ZNF566: variants seen among roughly 807,000 people sequenced by gnomAD.
ZNF566 encodes the protein zinc finger protein 566.
ZNF566 carries 27 observed loss-of-function variants against 32.8 expected under a neutral mutation model. The ratio of observed to expected loss-of-function variants is 0.82; its 90% CI spans 0.61 to 1.14. The LOEUF is 1.14. Among genes scored for constraint, ZNF566 ranks in the 50% most tolerant of loss-of-function variants. The probability of loss-of-function intolerance (pLI) is 0.00; values close to 1 mark genes in which losing one functional copy is unlikely to be tolerated. For missense variants in ZNF566, 402 were observed against 490.4 expected (o/e 0.82, Z 1.70); for synonymous variants, 154 against 159.5 (o/e 0.97, Z 0.26).
intron 4 of ZNF566, among the ~76,000 whole-genome samples, chr19:36,467,389 C>T (rs1280238682): frequency 2.1e-5 from 3 of 145,066 alleles, no homozygotes; most frequent in Admixed American, 6.9e-5. Context: ...GAGCGAAGAT[C>T]GCACCGCTGC....
In ZNF566 at chr19:36,446,893, CAT is replaced by C. The variant is rs531164539; in HGVS notation, c.*2082_*2083del. The C allele has an allele frequency of 1.3e-5, 2 of 152,182 alleles. No individual in the cohort carries two copies. The highest frequency in any genetic ancestry group is 2.9e-5 in the Non-Finnish European group (2 of 68,042). 9.4% of individuals were successfully genotyped at this position (152,182 alleles called of 1,614,324 possible). ...GGGCATAAAATAACAGTTCTACAGA[CAT>C]AAACTTCATCCTTCCACATATGCGA... On this transcript the variant is annotated 3_prime_UTR_variant, in exon 5 of 5. Coordinates refer to ENST00000452939, the MANE Select transcript of ZNF566 (RefSeq NM_001145344.1).
At chr19:36,472,000 T>G (rs1241042282) in intron 4 of ZNF566, among the ~76,000 whole-genome samples, 1 of 152,138 alleles carries the variant, frequency 6.6e-6, no homozygotes, top group East Asian at 1.9e-4. Flanking sequence ...TGCTTCAGCC[T>G]CCCAAAGTGC....
At chr19:36,477,763 C>A (rs1206483680) in intron 1 of ZNF566, among the ~76,000 whole-genome samples, 1 of 151,964 alleles carries the variant, frequency 6.6e-6, no homozygotes, top group Non-Finnish European at 1.5e-5. Context: ...GTCTCAAAAT[C>A]CTGACCTTCC....
chr19:36,467,419 T>C (rs1472278439), intron 4 of ZNF566, among the ~76,000 whole-genome samples: 2 of 113,222 alleles, frequency 1.8e-5, no homozygotes. Context: ...TGGGCAACAA[T>C]GTGAGGCTCT....
At chr19:36,479,832 G>A (rs1402260153) in intron 1 of ZNF566, among the ~76,000 whole-genome samples, 4 of 150,990 alleles carry the variant, frequency 2.6e-5, no homozygotes, top group Admixed American at 6.6e-5. Flanking sequence ...GTTTGTTTGC[G>A]TGTTTGCTTG....
intron 4 of ZNF566, among the ~76,000 whole-genome samples, chr19:36,452,939 G>C (rs1343122456): frequency 6.6e-6 from 1 of 151,950 alleles, no homozygotes; most frequent in Non-Finnish European, 1.5e-5. Flanking sequence ...CCAATATGGT[G>C]AAACCCTGTC....
intron 4 of ZNF566, among the ~76,000 whole-genome samples, chr19:36,458,545 C>T (rs942710993): frequency 6.6e-6 from 1 of 152,054 alleles, no homozygotes; most frequent in Non-Finnish European, 1.5e-5. Context: ...GTTCTAGTTA[C>T]TCAGAATAAA....
rs1335402012 is a variant in ZNF566 at position 36,446,207 on chromosome 19, G to A, written c.*2770C>T. The A allele has an allele frequency of 6.6e-6, 1 of 150,458 alleles. No individual in the cohort carries two copies. The highest frequency in any genetic ancestry group is 1.5e-5 in the Non-Finnish European group (1 of 67,718). The allele number at this position is 150,458 out of a possible 1,614,324, so 9.3% of individuals were successfully genotyped here. A position where few individuals can be genotyped will look rare whatever the true frequency, so the allele number is the denominator to read the frequency against. On this transcript the variant is annotated 3_prime_UTR_variant, in exon 5 of 5. Transcript: ENST00000452939. ...CACAACCTTTAAATATTATTCAGAA[G>A]AAAATTGACAGAGGGGAGGGAATGA...
In ZNF566 at chr19:36,477,526, G is replaced by GTTTTTTTTTTTTTTT. The variant is rs767741591; in HGVS notation, c.-59-911_-59-910insAAAAAAAAAAAAAAA. Among the ~76,000 whole-genome samples the GTTTTTTTTTTTTTTT allele has an allele frequency of 2.9e-4, 31 of 107,014 alleles. 5 individuals are homozygous for GTTTTTTTTTTTTTTT. Among genetic ancestry groups the GTTTTTTTTTTTTTTT allele is most frequent in the Middle Eastern group, 5.3e-3 (1 of 190 alleles). The allele number at this position is 107,014 out of a possible 152,430, so 70.2% of individuals were successfully genotyped here. A position where few individuals can be genotyped will look rare whatever the true frequency, so the allele number is the denominator to read the frequency against. On this transcript the variant is annotated intron_variant, in intron 1 of 4. Coordinates refer to ENST00000452939, the MANE Select transcript of ZNF566 (RefSeq NM_001145344.1). ...TGGGTCAAACCAGTTTTCTGTTTCTGTTTTTTTTTTGTTTGTTTGTTTGTT... is the reference window on the plus strand; with the variant it reads ...TGGGTCAAACCAGTTTTCTGTTTCTGTTTTTTTTTTTTTTTTTTTTTTTTTGTTTGTTTGTTTGTT...
intron 4 of ZNF566, among the ~76,000 whole-genome samples, chr19:36,467,565 T>C (rs1393689221): frequency 7.2e-6 from 1 of 139,146 alleles, no homozygotes; most frequent in Admixed American, 7.3e-5. Context: ...GGGAGGCGGG[T>C]GGGTCATTTG....
At chr19:36,459,859 C>A (rs2033417498) in intron 4 of ZNF566, among the ~76,000 whole-genome samples, 1 of 149,242 alleles carries the variant, frequency 6.7e-6, no homozygotes, top group African/African-American at 2.5e-5. Context: ...TGCTCTGTTG[C>A]CCAGGTGAGA....
chr19:36,462,992 C>CAAAAAAA (rs2033515330), intron 4 of ZNF566, among the ~76,000 whole-genome samples: 1 of 90,586 alleles, frequency 1.1e-5, no homozygotes, highest in Non-Finnish European at 2.5e-5. Flanking sequence ...AAAAAAAAAT[C>CAAAAAAA]CCATTTCCTG....
chr19:36,449,653 G>T lies in ZNF566; in HGVS notation c.581C>A (p.Thr194Asn). The T allele has an allele frequency of 6.2e-7, 1 of 1,614,090 alleles. No homozygotes were observed. The highest frequency in any genetic ancestry group is 2.2e-5 in the East Asian group (1 of 44,872). Residue 194 changes from threonine to asparagine, a missense_variant, in exon 5 of 5, where the codon ACC (threonine) becomes AAC (asparagine). Transcript: ENST00000452939. ...SQFATHEIIH[T>N]IEKPYECKEC... Reference sequence around the variant, plus strand: ...CTTACATTCATAAGGCTTCTCAATGGTATGAATTATCTCATGTGTAGCAAA... The same window carrying T: ...CTTACATTCATAAGGCTTCTCAATGTTATGAATTATCTCATGTGTAGCAAA...
intron 1 of ZNF566, among the ~76,000 whole-genome samples, chr19:36,482,390 C>A (rs1487453984): frequency 6.8e-6 from 1 of 146,314 alleles, no homozygotes; most frequent in Non-Finnish European, 1.6e-5. Context: ...CAGGAGTGAG[C>A]CACTGTCCCC....
At position 36,476,648 on chromosome 19, in the gene ZNF566, C is replaced by A. The variant is rs1459204046; in HGVS notation, c.-59-32G>T. On this transcript the variant is annotated intron_variant, in intron 1 of 4. Transcript: ENST00000452939. ...GAGGCAAAAGAAGATAGATAAGACC[C>A]CACTTTCCTCACAGCTCCTGGCCCA... The A allele has an allele frequency of 5.8e-6, 9 of 1,559,890 alleles. No homozygotes were observed. In the African/African-American group the frequency reaches 6.8e-5, roughly 12 times the overall value.
intron 1 of ZNF566, among the ~76,000 whole-genome samples, chr19:36,483,959 C>T (rs1478351023): frequency 2.0e-5 from 3 of 152,006 alleles, no homozygotes; most frequent in South Asian, 2.1e-4. Context: ...TGCAATGGCA[C>T]GATCTCAGCT....
At chr19:36,461,200 A>G (rs889532646) in intron 4 of ZNF566, among the ~76,000 whole-genome samples, 11 of 152,198 alleles carry the variant, frequency 7.2e-5, no homozygotes, top group African/African-American at 2.7e-4. Flanking sequence ...AGAAATCCAG[A>G]TTTCTATATT....
chr19:36,449,322 A>G lies in ZNF566; in HGVS notation c.912T>C (p.Ile304=). The G allele has an allele frequency of 6.2e-7, 1 of 1,614,156 alleles. No individual in the cohort carries two copies. Among genetic ancestry groups the G allele is most frequent in the Non-Finnish European group, 8.5e-7 (1 of 1,180,024 alleles). The change falls in exon 5 of 5, where the codon ATT becomes ATC. Residue 304 remains isoleucine, a synonymous_variant. Coordinates refer to ENST00000452939, the MANE Select transcript of ZNF566 (RefSeq NM_001145344.1). ...ATTCATAGGGTTTTTCCCCAGTATG[A>G]ATTCTCTGATGTTGAGTAAAGTTTG... ...SGSNFTQHQR[I]HTGEKPYECK...
In ZNF566 at chr19:36,476,529, A is replaced by C. The variant is rs1218092570; in HGVS notation, c.9+20T>G. ...GAAGTAAAAATCACTCTATCTGAGC[A>C]AAAGGAAACAGTATCTCACCTGAGC... On this transcript the variant is annotated intron_variant, in intron 2 of 4. Coordinates refer to ENST00000452939, the MANE Select transcript of ZNF566 (RefSeq NM_001145344.1). The C allele has an allele frequency of 6.2e-7, 1 of 1,610,204 alleles. No homozygotes were observed. The highest frequency in any genetic ancestry group is 8.5e-7 in the Non-Finnish European group (1 of 1,176,852).
Sources: gnomAD v4.1 joint callset for allele counts (sites outside exome capture counted in the v4.1 genomes callset) on GRCh38, gnomAD v4.1.1 for gene constraint, MANE v1.5 for transcripts, NCBI Gene and HGNC (gene_info 2026-07-23, HGNC 2026-07-21) for gene names.